The following POR variants were observed in gnomAD, a reference collection of about 807,000 sequenced individuals.
POR encodes the protein cytochrome p450 oxidoreductase.
Under a neutral mutation model 84.0 loss-of-function variants are expected in POR, and 56 were observed. The ratio of observed to expected loss-of-function variants is 0.67; its 90% CI spans 0.54 to 0.83. POR has a LOEUF of 0.83. Ranked by LOEUF, POR falls within the 40% of genes least tolerant of loss-of-function variation. POR has a pLI of 0.00. For missense variants in POR, 938 were observed against 944.3 expected (o/e 0.99, Z 0.09); for synonymous variants, 414 against 400.5 (o/e 1.03, Z -0.40).
intron 1 of POR, among the ~76,000 whole-genome samples, chr7:75,916,095 C>G (rs1554548034): frequency 6.6e-6 from 1 of 151,870 alleles, no homozygotes. Flanking sequence ...ACTGGGTGGC[C>G]CTGGTTTGAT....
At chr7:75,924,611 G>A (rs1807031638) in intron 1 of POR, among the ~76,000 whole-genome samples, 1 of 152,114 alleles carries the variant, frequency 6.6e-6, no homozygotes, top group Admixed American at 6.6e-5. Context: ...AGGCTGAGGT[G>A]GGAGGATCAC....
At chr7:75,932,315 G>T (rs1292372190) in intron 1 of POR, among the ~76,000 whole-genome samples, 1 of 151,948 alleles carries the variant, frequency 6.6e-6, no homozygotes, top group African/African-American at 2.4e-5. Context: ...CGAGTAGCTA[G>T]AACTGCAGGT....
chr7:75,974,524 CTTTT>C (rs1238804117), intron 3 of POR, among the ~76,000 whole-genome samples: 1 of 107,912 alleles, frequency 9.3e-6, no homozygotes, highest in South Asian at 3.2e-4. Flanking sequence ...TTTTTCTTTT[CTTTT>C]TTTTTTTTTT....
At chr7:75,971,448 C>T (rs1355325525) in intron 2 of POR, among the ~76,000 whole-genome samples, 6 of 151,948 alleles carry the variant, frequency 3.9e-5, no homozygotes, top group African/African-American at 1.5e-4. Context: ...GTTCCTCTGG[C>T]CCTGCAGGCT....
intron 2 of POR, among the ~76,000 whole-genome samples, chr7:75,968,793 C>T (rs1444639586): frequency 1.3e-5 from 2 of 152,228 alleles, no homozygotes; most frequent in East Asian, 1.9e-4. Flanking sequence ...TCCACTCTGA[C>T]GTTCCAGCCC....
chr7:75,942,861 A>G lies in POR; in HGVS notation c.-4-11128A>G, dbSNP rs1009384389. ...CTTATAATTTTAGATTGGCCTCATT[A>G]AGAAACATCAAGTCTGCAGCAAAAG... On this transcript the variant is annotated intron_variant, in intron 1 of 15. Transcript: ENST00000461988. 2.0e-5 allele frequency among the ~76,000 whole-genome samples: 3 copies of G among 151,934 alleles called. 1 individual carries two copies. Among genetic ancestry groups the G allele is most frequent in the Admixed American group, 6.6e-5 (1 of 15,258 alleles).
intron 1 of POR, among the ~76,000 whole-genome samples, chr7:75,952,789 C>T (rs1787503668): frequency 6.6e-6 from 1 of 151,786 alleles, no homozygotes; most frequent in African/African-American, 2.4e-5. Context: ...GCGCTCCTCA[C>T]TTCCTAGATG....
At chr7:75,975,149 A>T (rs1192902894) in intron 3 of POR, among the ~76,000 whole-genome samples, 1 of 138,088 alleles carries the variant, frequency 7.2e-6, no homozygotes, top group Non-Finnish European at 1.6e-5. Flanking sequence ...AGATAAAGAT[A>T]TTCCTGTATT....
intron 1 of POR, among the ~76,000 whole-genome samples, chr7:75,936,254 C>T (rs1807679389): frequency 6.6e-6 from 1 of 151,396 alleles, no homozygotes; most frequent in South Asian, 2.1e-4. Context: ...CAGGTGCATG[C>T]TGCGACACCT....
intron 1 of POR, among the ~76,000 whole-genome samples, chr7:75,939,855 G>A (rs1437570559): frequency 6.6e-6 from 1 of 151,648 alleles, no homozygotes; most frequent in Non-Finnish European, 1.5e-5. Flanking sequence ...TGATCCACCC[G>A]CCTCAGCCTC....
intron 7 of POR, 22 bp downstream of exon 7, chr7:75,981,628 C>T (rs782334805): frequency 7.5e-6 from 12 of 1,603,954 alleles, no homozygotes; most frequent in African/African-American, 2.7e-5. Context: ...CCCGCAGGTG[C>T]GGTGGGTGGC....
At chr7:75,984,134 C>T (rs1439937276) in intron 10 of POR, among the ~76,000 whole-genome samples, 1 of 152,218 alleles carries the variant, frequency 6.6e-6, no homozygotes, top group Non-Finnish European at 1.5e-5. Flanking sequence ...CCCTGGCTCC[C>T]CCATGGCCAC....
chr7:75,931,607 G>T lies in POR; in HGVS notation c.-5+16428G>T, dbSNP rs543920990. On this transcript the variant is annotated intron_variant, in intron 1 of 15. Transcript: ENST00000461988. ...TGGTCTCGAACTCCTGTCCTCAAGT[G>T]ATCCTCCCGCCTTGGTCTCCCAAAG... Among the ~76,000 whole-genome samples the T allele has an allele frequency of 1.2e-4, 18 of 151,980 alleles. No homozygotes were observed. The East Asian group carries it at 3.5e-3, about 29-fold the overall frequency.
chr7:75,969,624 C>T (rs1171791150), intron 2 of POR, among the ~76,000 whole-genome samples: 3 of 152,212 alleles, frequency 2.0e-5, no homozygotes, highest in Non-Finnish European at 4.4e-5. Flanking sequence ...TGGAACTTCC[C>T]TGGAAGCATC....
chr7:75,956,679 C>G (rs567264213), intron 2 of POR, among the ~76,000 whole-genome samples: 2 of 151,996 alleles, frequency 1.3e-5, no homozygotes, highest in Non-Finnish European at 2.9e-5. Flanking sequence ...CGATCAGGAC[C>G]ACAGAGCCAG....
chr7:75,981,212 T>G, intron 6 of POR, 40 bp downstream of exon 6: 1 of 1,498,034 alleles, frequency 6.7e-7, no homozygotes, highest in African/African-American at 1.4e-5. Context: ...CGCGGCGGGC[T>G]TAGGCAGGGG....
At chr7:75,981,754 G>C in intron 7 of POR, 148 bp downstream of exon 7, 1 of 700,992 alleles carries the variant, frequency 1.4e-6, no homozygotes, top group Non-Finnish European at 2.3e-6. Context: ...TCCCAGCCAA[G>C]GACTCACTCT....
chr7:75,962,629 C>T (rs1157985699), intron 2 of POR, among the ~76,000 whole-genome samples: 1 of 152,164 alleles, frequency 6.6e-6, no homozygotes, highest in Non-Finnish European at 1.5e-5. Context: ...TCTTTAAGTG[C>T]ACCAGTTCAT....
chr7:75,955,035 G>T (rs558274525), intron 2 of POR, among the ~76,000 whole-genome samples: 1 of 152,044 alleles, frequency 6.6e-6, no homozygotes. Flanking sequence ...ATAGAGACAG[G>T]GATTTGCCAT....
Sources: gnomAD v4.1 joint callset for allele counts (sites outside exome capture counted in the v4.1 genomes callset) on GRCh38, gnomAD v4.1.1 for gene constraint, MANE v1.5 for transcripts, NCBI Gene and HGNC (gene_info 2026-07-23, HGNC 2026-07-21) for gene names.